Variants in CLK1 observed in about 807,000 individuals in gnomAD.
CLK1 encodes CDC like kinase 1.
CLK1 carries 40 observed loss-of-function variants against 60.9 expected under a neutral mutation model. The observed-to-expected ratio is 0.66, with a 90% confidence interval of 0.51 to 0.86. CLK1 has a LOEUF of 0.86. CLK1 is among the 40% of genes least tolerant of loss of function. The pLI, the probability that CLK1 is intolerant of heterozygous loss-of-function variation, is 0.00. For synonymous variants in CLK1, 203 were observed against 184.4 expected, an observed-to-expected ratio of 1.10 and a Z score of -0.82; for missense variants, 563 against 606.1, an observed-to-expected ratio of 0.93 and a Z score of 0.75.
At chr2:200,860,043 G>A (rs1277759331) in intron 4 of CLK1, 82 bp downstream of exon 4, 1 of 1,524,118 alleles carries the variant, frequency 6.6e-7, no homozygotes, top group Non-Finnish European at 8.8e-7. Flanking sequence ...AAGAAAAAAA[G>A]ATTTCCAAAT....
At chr2:200,859,966 A>C in intron 4 of CLK1, 159 bp downstream of exon 4, 1 of 1,434,274 alleles carries the variant, frequency 7.0e-7, no homozygotes, top group Non-Finnish European at 9.1e-7. Flanking sequence ...TACATTTCTA[A>C]AGAAAGCAAA....
At chr2:200,860,317 GGCATTCA>G in intron 3 of CLK1, 102 bp from the exon 4 acceptor site, 4 of 1,572,662 alleles carry the variant, frequency 2.5e-6, no homozygotes, top group Non-Finnish European at 3.5e-6. Context: ...GAGATATTCA[GGCATTCA>G]GATACACGCC....
In CLK1 at chr2:200,853,486, C is replaced by T. The variant is rs555055665; in HGVS notation, c.1312-37G>A. 19 of 1,579,630 alleles carry T rather than the reference C, an allele frequency of 1.2e-5. No individual in the cohort carries two copies. The East Asian group carries it at 4.0e-4, about 33-fold the overall frequency. ...AAAGAAATTCATTCAACAGCCTTTT[C>T]CACTACCATTGACTACACTATGTAA... On this transcript the variant is annotated intron_variant, in intron 12 of 12. Transcript: ENST00000321356.
chr2:200,855,397 T>C (rs907814933), intron 9 of CLK1, among the ~76,000 whole-genome samples: 1 of 151,730 alleles, frequency 6.6e-6, no homozygotes, highest in African/African-American at 2.4e-5. Context: ...CTGAGGCAGG[T>C]GGAACACGAG....
In CLK1 at chr2:200,860,187, C is replaced by A. The variant is rs915986300; in HGVS notation, c.419G>T (p.Ser140Ile). The A allele has an allele frequency of 6.2e-7, 1 of 1,614,148 alleles. No individual in the cohort carries two copies. Among genetic ancestry groups the A allele is most frequent in the Non-Finnish European group, 8.5e-7 (1 of 1,180,034 alleles). Reference sequence around the variant, plus strand: ...GTGACCCTCCTCATCATCCTCTACACTCCTGGTTCTTTTCCTTCGGTGACT... The same window carrying A: ...GTGACCCTCCTCATCATCCTCTACAATCCTGGTTCTTTTCCTTCGGTGACT... ...GKSHRRKRTR[S>I]VEDDEEGHLI... The change falls in exon 4 of 13, where the codon AGT becomes ATT. Residue 140 changes from serine to isoleucine, a missense_variant. Ser to Ile is a moderately radical substitution (Grantham distance 142). This residue lies in a region of CLK1 where 198 missense variants were observed against 179.2 expected (regional missense o/e 1.10). Transcript: ENST00000321356.
chr2:200,864,392 C>G (rs1423323762), intron 1 of CLK1, 172 bp downstream of exon 1: 3 of 958,756 alleles, frequency 3.1e-6, no homozygotes, highest in Non-Finnish European at 2.9e-6. Flanking sequence ...GGCTCGGCCG[C>G]GCAGGAAAGA....
At position 200,858,018 on chromosome 2, in the gene CLK1, A is replaced by G. The variant is rs1559327288; in HGVS notation, c.620T>C (p.Ile207Thr). The change falls in exon 6 of 13, where the codon ATA (isoleucine) becomes ACA (threonine). Residue 207 changes from isoleucine (I) to threonine (T), a missense_variant. By Grantham distance (89) the Ile-to-Thr change is moderately conservative (BLOSUM62 -1). Coordinates refer to ENST00000321356, the MANE Select transcript of CLK1 (RefSeq NM_004071.4). Reference sequence around the variant, plus strand: ...TGTATTCAGATGTTCCAGAACTTGTATTTCTGAGCGAGCAGCTTCACAGTA... The same window carrying G: ...TGTATTCAGATGTTCCAGAACTTGTGTTTCTGAGCGAGCAGCTTCACAGTA... ...DRYCEAARSE[I>T]QVLEHLNTTD... 6.2e-7 allele frequency: 1 copy of G among 1,613,992 alleles called. No individual in the cohort carries two copies.
chr2:200,857,555 A>G (rs2105737294), intron 7 of CLK1, 163 bp downstream of exon 7: 1 of 556,452 alleles, frequency 1.8e-6, no homozygotes, highest in Non-Finnish European at 3.1e-6. Flanking sequence ...GCTGAATGAA[A>G]TGTACACTGC....
intron 10 of CLK1, 68 bp from the exon 11 acceptor site, chr2:200,854,763 C>CA (rs1276676401): frequency 6.9e-6 from 8 of 1,153,122 alleles, no homozygotes; most frequent in African/African-American, 6.2e-5. Flanking sequence ...AAGCTGACAG[C>CA]AAAAAAACTA....
intron 12 of CLK1, 124 bp from the exon 13 acceptor site, chr2:200,853,573 G>A (rs1260276825): frequency 2.3e-6 from 2 of 881,672 alleles, no homozygotes; most frequent in South Asian, 4.1e-5. Context: ...AGGCATGGTC[G>A]CTCACGCCTA....
intron 1 of CLK1, chr2:200,864,160 C>G: frequency 3.9e-6 from 6 of 1,551,162 alleles, no homozygotes; most frequent in East Asian, 2.4e-5. Context: ...CCCAGCAAAT[C>G]CCCCCTCAAC....
At position 200,861,326 on chromosome 2, in the gene CLK1, C is replaced by CTATGGTTCTGA; in HGVS notation, c.291_301dup (p.Ser101IlefsTer45). On this transcript the variant is annotated frameshift_variant, in exon 3 of 13. Coordinates refer to ENST00000321356, the MANE Select transcript of CLK1 (RefSeq NM_004071.4). LOFTEE classifies it high-confidence loss of function. Reference sequence around the variant, plus strand: ...TCCACTTCTACCAGAAGACTTGCTACTATGGTTCTGATACCGGCTTTCATG... The same window carrying CTATGGTTCTGA: ...TCCACTTCTACCAGAAGACTTGCTACTATGGTTCTGATATGGTTCTGATACCGGCTTTCATG... 1 of 1,614,168 alleles carries CTATGGTTCTGA rather than the reference C, an allele frequency of 6.2e-7. No homozygotes were observed. The highest frequency in any genetic ancestry group is 8.5e-7 in the Non-Finnish European group (1 of 1,180,016).
chr2:200,857,564 G>A, intron 7 of CLK1, 154 bp downstream of exon 7: 1 of 597,896 alleles, frequency 1.7e-6, no homozygotes, highest in East Asian at 2.9e-5. Flanking sequence ...AATGTACACT[G>A]CTGGATCAAC....
At chr2:200,854,354 T>C (rs998124230) in intron 11 of CLK1, among the ~76,000 whole-genome samples, 5 of 151,924 alleles carry the variant, frequency 3.3e-5, no homozygotes, top group African/African-American at 4.8e-5. Flanking sequence ...GCTAACATGG[T>C]GAAACCTTGT....
Position 200,857,731 on chromosome 2 carries a change from G to A in CLK1, c.819C>T (p.Cys273=). Residue 273 remains cysteine (C), a synonymous_variant, in exon 7 of 13, where the codon TGC becomes TGT. Transcript: ENST00000321356. ...DHIRKMAYQI[C]KSVNFLHSNK... ...CCAAGAACTTACAATTCACAGACTT[G>A]CATATCTGATATGCCATCTTTCTGA... 6.3e-7 allele frequency: 1 copy of A among 1,597,262 alleles called. No individual in the cohort carries two copies. The highest frequency in any genetic ancestry group is 8.5e-7 in the Non-Finnish European group (1 of 1,172,110).
chr2:200,862,183 A>G (rs1176170663), intron 1 of CLK1, among the ~76,000 whole-genome samples: 1 of 152,110 alleles, frequency 6.6e-6, no homozygotes, highest in Non-Finnish European at 1.5e-5. Context: ...CCCTCCCAGT[A>G]GTACAAATAT....
chr2:200,860,487 T>C, intron 3 of CLK1: 1 of 1,157,506 alleles, frequency 8.6e-7, no homozygotes, highest in Non-Finnish European at 1.1e-6. Flanking sequence ...AATACAATTG[T>C]TTTTCTTAAA....
In CLK1 at chr2:200,859,749, A is replaced by G; in HGVS notation, c.482-3T>C. 3 of 1,612,876 alleles carry G rather than the reference A, an allele frequency of 1.9e-6. No individual in the cohort carries two copies. The highest frequency in any genetic ancestry group is 1.3e-5 in the African/African-American group (1 of 75,022). Reference sequence around the variant, plus strand: ...ACCTAAAGTATCAACAATTTCATCTAAAAGAGAGAAATAAATCTCAGTCAT... The same window carrying G: ...ACCTAAAGTATCAACAATTTCATCTGAAAGAGAGAAATAAATCTCAGTCAT... On this transcript the variant is annotated splice_region_variant and splice_polypyrimidine_tract_variant and intron_variant, in intron 4 of 12. Transcript: ENST00000321356.
intron 9 of CLK1, 26 bp from the exon 10 acceptor site, chr2:200,855,112 A>G (rs2039017196): frequency 6.7e-7 from 1 of 1,499,930 alleles, no homozygotes; most frequent in Non-Finnish European, 9.1e-7. Context: ...AAATTTAAGG[A>G]AAAAAAATAC....
Sources: gnomAD v4.1 joint callset for allele counts (sites outside exome capture counted in the v4.1 genomes callset) on GRCh38, gnomAD v4.1.1 for gene constraint, gnomAD v4.1.1 regional missense constraint, MANE v1.5 for transcripts, NCBI Gene and HGNC (gene_info 2026-07-23, HGNC 2026-07-21) for gene names.